Variants in FRAS1 observed in about 807,000 individuals in gnomAD.
FRAS1 encodes the protein extracellular matrix organizing protein FRAS1.
Under a neutral mutation model 435.2 loss-of-function variants are expected in FRAS1, and 290 were observed. The observed-to-expected ratio is 0.67, with a 90% CI of 0.61 to 0.73. The LOEUF (loss-of-function observed/expected upper bound fraction) is 0.73. Among genes scored for constraint, FRAS1 ranks in the 30% least tolerant of loss-of-function variants. The pLI is 0.00. For synonymous variants in FRAS1, 1,800 were observed against 1,851.0 expected (o/e 0.97, Z 0.71); for missense variants, 4,860 against 5,001.5 (o/e 0.97, Z 0.85).
intron 2 of FRAS1, among the ~76,000 whole-genome samples, chr4:78,113,808 G>T (rs1417852200): frequency 2.6e-5 from 4 of 152,116 alleles, no homozygotes; most frequent in Non-Finnish European, 5.9e-5. Context: ...AGTTTCTTTT[G>T]CTGTGCAGAA....
At chr4:78,373,996 T>C (rs1470117615) in intron 24 of FRAS1, 115 bp from the exon 25 acceptor site, 3 of 951,766 alleles carry the variant, frequency 3.2e-6, no homozygotes, top group Non-Finnish European at 4.5e-6. Context: ...ATATGGTCCT[T>C]TGCCCAGTAC....
intron 2 of FRAS1, among the ~76,000 whole-genome samples, chr4:78,216,627 CAG>C (rs1723780097): frequency 6.6e-6 from 1 of 152,152 alleles, no homozygotes; most frequent in South Asian, 2.1e-4. Context: ...GGCAGTTCAG[CAG>C]TAAACCGTTC....
rs903670881 is a variant in FRAS1, at chr4:78,479,671, C to T, written c.8396C>T (p.Ser2799Leu). The T allele has an allele frequency of 8.1e-6, 13 of 1,609,268 alleles. No homozygotes were observed. Among genetic ancestry groups the T allele is most frequent in the Admixed American group, 3.3e-5 (2 of 59,880 alleles). ...CTCATTAGTGGTCCCAACGATGCCT[C>T]GACTGTGTCCCTGGGCAACACGGCT... ...KVLISGPNDASTVSLGNTAFT... is the reference protein window; with the variant it reads ...KVLISGPNDALTVSLGNTAFT... Residue 2799 changes from serine (S) to leucine (L), a missense_variant, in exon 56 of 74, where the codon TCG becomes TTG. Transcript: ENST00000512123.
intron 69 of FRAS1, among the ~76,000 whole-genome samples, chr4:78,523,828 C>T (rs1721458725): frequency 6.6e-6 from 1 of 152,112 alleles, no homozygotes; most frequent in Non-Finnish European, 1.5e-5. Flanking sequence ...TTGGATGAAG[C>T]CCACCCTCCT....
At chr4:78,409,703 A>G (rs1733259404) in intron 31 of FRAS1, among the ~76,000 whole-genome samples, 1 of 152,198 alleles carries the variant, frequency 6.6e-6, no homozygotes, top group South Asian at 2.1e-4. Flanking sequence ...ACAGATACCA[A>G]GAAGAATTTG....
intron 2 of FRAS1, among the ~76,000 whole-genome samples, chr4:78,198,930 TTGAC>T (rs745556534): frequency 1.3e-5 from 2 of 152,368 alleles, no homozygotes; most frequent in South Asian, 4.1e-4. Context: ...CATGTGTTAA[TTGAC>T]TGTTTATATT....
chr4:78,528,550 G>A (rs1052895355), intron 70 of FRAS1, among the ~76,000 whole-genome samples: 4 of 152,012 alleles, frequency 2.6e-5, no homozygotes, highest in Non-Finnish European at 4.4e-5. Flanking sequence ...ATCGCACTCC[G>A]CATGATGATT....
intron 2 of FRAS1, among the ~76,000 whole-genome samples, chr4:78,195,714 C>T (rs545157659): frequency 1.2e-4 from 18 of 152,272 alleles, no homozygotes; most frequent in South Asian, 6.2e-4. Context: ...TGACCCCTTG[C>T]GCTTCCCCGG....
chr4:78,120,494 G>A (rs1357404665), intron 2 of FRAS1, among the ~76,000 whole-genome samples: 1 of 152,154 alleles, frequency 6.6e-6, no homozygotes, highest in Non-Finnish European at 1.5e-5. Context: ...TGACAGTCCA[G>A]GAATAAGAAG....
chr4:78,300,936 G>A (rs1013092145), intron 14 of FRAS1, among the ~76,000 whole-genome samples: 1 of 152,078 alleles, frequency 6.6e-6, no homozygotes, highest in Non-Finnish European at 1.5e-5. Flanking sequence ...CCCCACCACT[G>A]TTACTCTTTA....
intron 17 of FRAS1, among the ~76,000 whole-genome samples, 175 bp from the exon 18 acceptor site, chr4:78,318,635 C>G (rs1489339107): frequency 6.6e-6 from 1 of 152,208 alleles, no homozygotes; most frequent in Non-Finnish European, 1.5e-5. Flanking sequence ...CACCACCCCT[C>G]ACTGTTCCTT....
chr4:78,503,616 T>C (rs1460559830), intron 61 of FRAS1, among the ~76,000 whole-genome samples: 1 of 152,228 alleles, frequency 6.6e-6, no homozygotes, highest in Admixed American at 6.5e-5. Context: ...TCTTCTTTAT[T>C]AGTTTTGCTA....
intron 2 of FRAS1, among the ~76,000 whole-genome samples, chr4:78,101,973 C>A (rs1215650086): frequency 6.6e-6 from 1 of 152,158 alleles, no homozygotes; most frequent in Non-Finnish European, 1.5e-5. Flanking sequence ...AAATAAAAGC[C>A]ATTCCCCCTT....
intron 29 of FRAS1, among the ~76,000 whole-genome samples, chr4:78,389,314 G>A (rs1732352963): frequency 6.6e-6 from 1 of 152,246 alleles, no homozygotes; most frequent in East Asian, 1.9e-4. Context: ...TAGCTAGAGA[G>A]ACTGGTTTGT....
intron 42 of FRAS1, 53 bp downstream of exon 42, chr4:78,445,765 C>T: frequency 1.3e-6 from 2 of 1,585,536 alleles, no homozygotes; most frequent in African/African-American, 1.3e-5. Flanking sequence ...ATATTTCACA[C>T]CATTAGAGAG....
At chr4:78,536,102 A>G (rs1278992822) in intron 71 of FRAS1, among the ~76,000 whole-genome samples, 2 of 151,956 alleles carry the variant, frequency 1.3e-5, no homozygotes, top group South Asian at 2.1e-4. Context: ...AGTTAGTTGC[A>G]TGTAAAGAGC....
At chr4:78,513,957 A>G (rs1293069407) in intron 65 of FRAS1, among the ~76,000 whole-genome samples, 1 of 152,260 alleles carries the variant, frequency 6.6e-6, no homozygotes, top group Admixed American at 6.5e-5. Flanking sequence ...AAAACCTGTT[A>G]TAGAAAGCTG....
rs1017281955 is a variant in FRAS1 at position 78,446,850 on chromosome 4, A to T, written c.5980A>T (p.Ile1994Phe). 3 of 1,610,772 alleles carry T rather than the reference A, an allele frequency of 1.9e-6. No individual in the cohort carries two copies. The African/African-American group carries it at 4.0e-5, about 22-fold the overall frequency. Residue 1994 changes from isoleucine (I) to phenylalanine (F), a missense_variant, in exon 43 of 74, where the codon ATT (isoleucine) becomes TTT (phenylalanine). By Grantham distance (21) the Ile-to-Phe change is conservative (BLOSUM62 0). Transcript: ENST00000512123. ...QDLDTPDNELIFVLTKKPDHG... is the reference protein window; with the variant it reads ...QDLDTPDNELFFVLTKKPDHG... ...CCTGGACACCCCAGATAATGAGCTC[A>T]TTTTTGTATTGACAAAAAAGCCTGA...
intron 30 of FRAS1, among the ~76,000 whole-genome samples, chr4:78,404,516 A>T (rs553152860): frequency 1.3e-5 from 2 of 152,024 alleles, no homozygotes; most frequent in East Asian, 3.9e-4. Context: ...AGGCACCTGT[A>T]TTCAGCATGT....
Sources: allele counts gnomAD v4.1 joint callset (sites outside exome capture counted in the v4.1 genomes callset), GRCh38; gene constraint gnomAD v4.1.1; transcripts MANE v1.5; gene names NCBI Gene and HGNC (gene_info 2026-07-23, HGNC 2026-07-21).